STK3: variants seen among roughly 807,000 people sequenced by gnomAD.
STK3 encodes the protein serine/threonine-protein kinase 3.
In STK3, 41 loss-of-function variants were observed where a neutral mutation model predicts 58.0. The ratio of observed to expected loss-of-function variants is 0.71; its 90% confidence interval spans 0.55 to 0.92. The LOEUF (loss-of-function observed/expected upper bound fraction) is 0.92, where lower values mean the gene tolerates loss of function less well. Among genes scored for constraint, STK3 ranks in the 40% least tolerant of loss-of-function variants. The probability of loss-of-function intolerance (pLI) is 0.00; values close to 1 mark genes in which losing one functional copy is unlikely to be tolerated. For synonymous variants in STK3, 170 were observed against 191.0 expected (o/e 0.89, Z 0.91); for missense variants, 479 against 602.7 (o/e 0.79, Z 2.15).
intron 10 of STK3, among the ~76,000 whole-genome samples, chr8:98,503,521 T>C (rs1015952629): frequency 3.9e-5 from 6 of 152,236 alleles, no homozygotes; most frequent in African/African-American, 1.4e-4. Context: ...TCGTTCCTGC[T>C]TTCTCTTGTG....
At chr8:98,589,943 C>T (rs1423048055) in intron 7 of STK3, among the ~76,000 whole-genome samples, 1 of 152,192 alleles carries the variant, frequency 6.6e-6, no homozygotes, top group East Asian at 1.9e-4. Flanking sequence ...GGCAATGCCT[C>T]GCCCTGCTTC....
chr8:98,573,980 C>T (rs972313897), intron 8 of STK3, among the ~76,000 whole-genome samples: 1 of 152,036 alleles, frequency 6.6e-6, no homozygotes, highest in Non-Finnish European at 1.5e-5. Context: ...TGATAACTCA[C>T]TCATTATCAT....
chr8:98,571,101 G>A (rs1055823520), intron 8 of STK3, among the ~76,000 whole-genome samples: 1 of 152,130 alleles, frequency 6.6e-6, no homozygotes, highest in African/African-American at 2.4e-5. Context: ...AGGCCAAGGC[G>A]GGTGGATCAC....
intron 6 of STK3, among the ~76,000 whole-genome samples, chr8:98,678,089 A>G (rs1823358791): frequency 6.6e-6 from 1 of 152,208 alleles, no homozygotes; most frequent in Non-Finnish European, 1.5e-5. Flanking sequence ...AGTATCTAAC[A>G]ATCTGTTCAT....
At position 98,846,029 on chromosome 8, in the gene STK3, C is replaced by G. The variant is rs138041976; in HGVS notation, c.110+37618G>C. Among the ~76,000 whole-genome samples, 149 of 152,352 alleles carry G rather than the reference C, an allele frequency of 9.8e-4. 1 individual carries two copies. Among genetic ancestry groups the G allele is most frequent in the Non-Finnish European group, 1.8e-3 (121 of 68,034 alleles). ...ACTGACAAGACATCAGAGCTTCTGA[C>G]AGCTGCTGCAAAAGCACCAAAATGC... On this transcript the variant is annotated intron_variant, in intron 3 of 12. Transcript: ENST00000523601.
At chr8:98,543,859 C>A (rs1335130339) in intron 9 of STK3, among the ~76,000 whole-genome samples, 2 of 152,116 alleles carry the variant, frequency 1.3e-5, no homozygotes, top group East Asian at 3.9e-4. Context: ...TTATCTCCAG[C>A]AGCACTCAAT....
chr8:98,744,691 C>A (rs1033509160), intron 4 of STK3, among the ~76,000 whole-genome samples: 7 of 151,584 alleles, frequency 4.6e-5, no homozygotes, highest in African/African-American at 1.7e-4. Flanking sequence ...ATGTAACTAA[C>A]CTGCACATTG....
At chr8:98,465,849 T>C (rs1398639658) in intron 10 of STK3, among the ~76,000 whole-genome samples, 3 of 152,196 alleles carry the variant, frequency 2.0e-5, no homozygotes, top group African/African-American at 7.2e-5. Context: ...TTTCGTTGCA[T>C]TCCTCAATGG....
chr8:98,848,085 C>T (rs991124394), intron 3 of STK3, among the ~76,000 whole-genome samples: 1 of 152,192 alleles, frequency 6.6e-6, no homozygotes, highest in African/African-American at 2.4e-5. Context: ...ACAATTCACT[C>T]ATTTAAAGTG....
intron 3 of STK3, among the ~76,000 whole-genome samples, chr8:98,851,043 C>G (rs1372402134): frequency 6.6e-6 from 1 of 152,164 alleles, no homozygotes; most frequent in Non-Finnish European, 1.5e-5. Flanking sequence ...TTTCTCTGCT[C>G]TCCTAGAAAG....
At chr8:98,761,495 T>A (rs1442573339) in intron 3 of STK3, among the ~76,000 whole-genome samples, 1 of 152,206 alleles carries the variant, frequency 6.6e-6, no homozygotes, top group African/African-American at 2.4e-5. Context: ...GCTAAAGGTA[T>A]ACTTTTTAAA....
At chr8:98,570,357 T>G (rs1472946216) in intron 8 of STK3, among the ~76,000 whole-genome samples, 2 of 151,570 alleles carry the variant, frequency 1.3e-5, no homozygotes, top group Non-Finnish European at 2.9e-5. Context: ...CCCAGGCTGG[T>G]CTTGAACACC....
intron 6 of STK3, among the ~76,000 whole-genome samples, chr8:98,655,345 T>C (rs887690378): frequency 1.3e-5 from 2 of 152,144 alleles, no homozygotes; most frequent in Admixed American, 1.3e-4. Context: ...CAAGATGGAT[T>C]AAAGACTTAC....
At chr8:98,562,258 A>C (rs1449078346) in intron 8 of STK3, among the ~76,000 whole-genome samples, 1 of 152,160 alleles carries the variant, frequency 6.6e-6, no homozygotes, top group Non-Finnish European at 1.5e-5. Context: ...CTAATAAGTA[A>C]CTATTGAAGA....
chr8:98,596,562 G>C lies in STK3; in HGVS notation c.685-393C>G, dbSNP rs1390384058. 2.6e-5 allele frequency among the ~76,000 whole-genome samples: 4 copies of C among 152,128 alleles called. No individual in the cohort carries two copies. In the East Asian group the frequency reaches 7.7e-4, roughly 29 times the overall value. On this transcript the variant is annotated intron_variant, in intron 6 of 10. Coordinates refer to ENST00000419617, the MANE Select transcript of STK3 (RefSeq NM_006281.4). Reference sequence around the variant, plus strand: ...TAAGCATTGCTGCTTAAAATGGGTAGTAGGAGTCCAATTTGCTTTTGCAAT... The same window carrying C: ...TAAGCATTGCTGCTTAAAATGGGTACTAGGAGTCCAATTTGCTTTTGCAAT...
intron 3 of STK3, among the ~76,000 whole-genome samples, chr8:98,834,259 C>T (rs1026882472): frequency 2.0e-5 from 3 of 152,110 alleles, no homozygotes; most frequent in Non-Finnish European, 4.4e-5. Flanking sequence ...CTTTAAAATT[C>T]TACTTATAAC....
At chr8:98,903,556 C>CTTCTTCTTCTTCTTCTTCTT (rs200556218) in intron 1 of STK3, among the ~76,000 whole-genome samples, 18 of 50,518 alleles carry the variant, frequency 3.6e-4, no homozygotes, top group African/African-American at 6.1e-4. Flanking sequence ...TCTTCTTCTT[C>CTTCTTCTTCTTCTTCTTCTT]CTTTTTTTTT....
Position 98,562,868 on chromosome 8 carries a change from C to T in STK3, c.949-14707G>A, listed in dbSNP as rs145341851. On this transcript the variant is annotated intron_variant, in intron 8 of 10. Coordinates refer to ENST00000419617, the MANE Select transcript of STK3 (RefSeq NM_006281.4). The stretch of plus-strand genomic sequence containing the variant: ...TCAAGACAGTGAGCTATGTTTGTGC[C>T]ACTGAACTGTAGCTTGGGTGAAAGA... 5.5e-4 allele frequency among the ~76,000 whole-genome samples: 82 copies of T among 150,368 alleles called. 1 individual carries two copies. The highest frequency in any genetic ancestry group is 1.9e-3 in the African/African-American group (79 of 40,834).
At chr8:98,929,560 G>A (rs1195341371) in intron 1 of STK3, among the ~76,000 whole-genome samples, 1 of 152,130 alleles carries the variant, frequency 6.6e-6, no homozygotes, top group Non-Finnish European at 1.5e-5. Context: ...TAAGGTGGGA[G>A]GATCACTTGA....
Sources: allele counts gnomAD v4.1 joint callset (sites outside exome capture counted in the v4.1 genomes callset), GRCh38; gene constraint gnomAD v4.1.1; transcripts MANE v1.5; gene names NCBI Gene and HGNC (gene_info 2026-07-23, HGNC 2026-07-21).